Variants in KHDRBS3 observed in about 807,000 individuals in gnomAD.
KHDRBS3 encodes the protein KH domain-containing, RNA-binding, signal transduction-associated protein 3.
KHDRBS3 carries 23 observed loss-of-function variants against 45.6 expected under a neutral mutation model. That is an observed-to-expected ratio of 0.50 (90% confidence interval 0.36 to 0.72). KHDRBS3 has a LOEUF of 0.72. KHDRBS3 is among the 30% of genes least tolerant of loss of function. The pLI, the probability that KHDRBS3 is intolerant of heterozygous loss-of-function variation, is 0.00. For synonymous variants in KHDRBS3, 162 were observed against 156.5 expected, an observed-to-expected ratio of 1.04 and a Z score of -0.26; for missense variants, 352 against 424.8, an observed-to-expected ratio of 0.83 and a Z score of 1.51.
At chr8:135,635,220 C>T (rs1243172466) in intron 7 of KHDRBS3, among the ~76,000 whole-genome samples, 1 of 152,120 alleles carries the variant, frequency 6.6e-6, no homozygotes, top group Non-Finnish European at 1.5e-5. Context: ...TGTGGATTCT[C>T]ATTTATGCTT....
At chr8:135,584,431 G>C (rs777480339) in intron 6 of KHDRBS3, among the ~76,000 whole-genome samples, 2 of 152,180 alleles carry the variant, frequency 1.3e-5, no homozygotes, top group Non-Finnish European at 1.5e-5. Context: ...CTCCTTCCCC[G>C]AGTTGAATTA....
intron 4 of KHDRBS3, among the ~76,000 whole-genome samples, chr8:135,550,831 A>AATTTTGAG (rs1219970864): frequency 1.3e-5 from 2 of 152,132 alleles, no homozygotes; most frequent in African/African-American, 4.8e-5. Flanking sequence ...TCATCTTAAC[A>AATTTTGAG]ATTTTGAGTT....
intron 7 of KHDRBS3, among the ~76,000 whole-genome samples, chr8:135,628,865 C>T (rs1159448930): frequency 6.6e-6 from 1 of 152,190 alleles, no homozygotes; most frequent in Non-Finnish European, 1.5e-5. Context: ...TAAGGTTAAA[C>T]ACAAAGCAAG....
intron 4 of KHDRBS3, among the ~76,000 whole-genome samples, chr8:135,555,762 T>C (rs1372312129): frequency 1.3e-5 from 2 of 152,198 alleles, no homozygotes; most frequent in East Asian, 1.9e-4. Flanking sequence ...TATTATACTT[T>C]AAGTTCTGGG....
At chr8:135,613,560 C>T (rs1040542877) in intron 7 of KHDRBS3, among the ~76,000 whole-genome samples, 3 of 151,578 alleles carry the variant, frequency 2.0e-5, no homozygotes, top group Non-Finnish European at 4.4e-5. Flanking sequence ...AGTGTGAGCC[C>T]GAGTTCCTGC....
At chr8:135,483,583 T>G (rs1333999048) in intron 1 of KHDRBS3, among the ~76,000 whole-genome samples, 2 of 152,236 alleles carry the variant, frequency 1.3e-5, no homozygotes, top group Admixed American at 1.3e-4. Flanking sequence ...TATTCTTTAC[T>G]TTTCCTTTAT....
intron 7 of KHDRBS3, among the ~76,000 whole-genome samples, chr8:135,616,978 A>G (rs1044584715): frequency 2.0e-5 from 3 of 152,032 alleles, no homozygotes; most frequent in Non-Finnish European, 4.4e-5. Context: ...TATTGTTAGT[A>G]AAAAAAGACA....
intron 1 of KHDRBS3, 186 bp downstream of exon 1, chr8:135,458,140 A>T: frequency 1.5e-6 from 2 of 1,358,948 alleles, no homozygotes; most frequent in Non-Finnish European, 1.9e-6. Flanking sequence ...GAAGACCCTG[A>T]TGTGAATTTT....
chr8:135,484,375 A>G (rs1822738500), intron 1 of KHDRBS3, among the ~76,000 whole-genome samples: 1 of 152,222 alleles, frequency 6.6e-6, no homozygotes, highest in African/African-American at 2.4e-5. Flanking sequence ...GAAGAATGGA[A>G]GACTTTGGCT....
chr8:135,471,634 G>C (rs1822019660), intron 1 of KHDRBS3, among the ~76,000 whole-genome samples: 1 of 152,180 alleles, frequency 6.6e-6, no homozygotes, highest in African/African-American at 2.4e-5. Context: ...GTGGGCACTT[G>C]TGTGTGACTC....
intron 2 of KHDRBS3, among the ~76,000 whole-genome samples, chr8:135,532,575 GT>G (rs949200309): frequency 5.9e-5 from 9 of 152,000 alleles, no homozygotes; most frequent in Non-Finnish European, 1.3e-4. Flanking sequence ...ACACGGAGTG[GT>G]TTTTTGTGTG....
chr8:135,533,827 T>C (rs1004380402), intron 2 of KHDRBS3, among the ~76,000 whole-genome samples: 4 of 152,180 alleles, frequency 2.6e-5, no homozygotes, highest in Admixed American at 2.6e-4. Flanking sequence ...TAGCCTAGCC[T>C]ACCTTAAATA....
At chr8:135,566,758 C>T (rs1827439706) in intron 5 of KHDRBS3, among the ~76,000 whole-genome samples, 1 of 152,050 alleles carries the variant, frequency 6.6e-6, no homozygotes, top group Non-Finnish European at 1.5e-5. Flanking sequence ...CACAGCTACT[C>T]AGGAGGCTGA....
intron 1 of KHDRBS3, among the ~76,000 whole-genome samples, chr8:135,501,863 T>A (rs1387316600): frequency 6.6e-6 from 1 of 152,178 alleles, no homozygotes; most frequent in Non-Finnish European, 1.5e-5. Flanking sequence ...CTTTTTGCAC[T>A]CTTCGGTCCT....
At chr8:135,632,729 G>C (rs1042617838) in intron 7 of KHDRBS3, among the ~76,000 whole-genome samples, 1 of 151,916 alleles carries the variant, frequency 6.6e-6, no homozygotes, top group Admixed American at 6.6e-5. Flanking sequence ...ACACACATAA[G>C]AAATGAAAGC....
At chr8:135,512,433 G>GGA (rs909669146) in intron 1 of KHDRBS3, among the ~76,000 whole-genome samples, 1 of 136,682 alleles carries the variant, frequency 7.3e-6, no homozygotes, top group African/African-American at 2.7e-5. Context: ...AAAAGTCGGG[G>GGA]GGGGGGTAAT....
At chr8:135,614,707 GA>G (rs578234813) in intron 7 of KHDRBS3, among the ~76,000 whole-genome samples, 5 of 145,906 alleles carry the variant, frequency 3.4e-5, no homozygotes, top group East Asian at 2.0e-4. Context: ...CATGGTAAGG[GA>G]AAAAAAAACA....
At chr8:135,582,800 G>T (rs1270162731) in intron 6 of KHDRBS3, among the ~76,000 whole-genome samples, 1 of 152,230 alleles carries the variant, frequency 6.6e-6, no homozygotes, top group East Asian at 1.9e-4. Flanking sequence ...GCAAGTATCA[G>T]TAGGTTTTCA....
chr8:135,599,899 A>C (rs1002285357), intron 6 of KHDRBS3, among the ~76,000 whole-genome samples: 3 of 152,034 alleles, frequency 2.0e-5, no homozygotes, highest in African/African-American at 7.2e-5. Flanking sequence ...GCTGAAGCAC[A>C]CAGCACCAAG....
Sources: gnomAD v4.1 joint callset for allele counts (sites outside exome capture counted in the v4.1 genomes callset) on GRCh38, gnomAD v4.1.1 for gene constraint, MANE v1.5 for transcripts, NCBI Gene and HGNC (gene_info 2026-07-23, HGNC 2026-07-21) for gene names.